Variants in SAMD5 observed in about 807,000 individuals in gnomAD.
SAMD5 encodes sterile alpha motif domain-containing protein 5.
A neutral mutation model predicts 11.3 loss-of-function variants in SAMD5; 13 were observed. The ratio of observed to expected loss-of-function variants is 1.15; its 90% CI spans 0.75 to 1.83. SAMD5 has a LOEUF of 1.83. Ranked by LOEUF, SAMD5 falls within the 40% of genes most tolerant of loss-of-function variation. The probability of loss-of-function intolerance (pLI) is 0.00; values close to 1 mark genes in which losing one functional copy is unlikely to be tolerated. For missense variants in SAMD5, 255 were observed against 239.1 expected (o/e 1.07, Z -0.44); for synonymous variants, 129 against 111.3 (o/e 1.16, Z -1.00).
chr6:147,808,567 A>G, the SAMD5 span, among the ~76,000 whole-genome samples: 4 of 152,184 alleles, frequency 2.6e-5, no homozygotes, highest in South Asian at 8.3e-4. Context: ...ACTAGAAGTA[A>G]GAGGGTATTT....
chr6:147,578,066 A>G (rs1422563282), intron 1 of SAMD5, among the ~76,000 whole-genome samples: 3 of 152,182 alleles, frequency 2.0e-5, no homozygotes, highest in African/African-American at 7.2e-5. Context: ...AGAAGTCGAA[A>G]TGCATTTACA....
the SAMD5 span, among the ~76,000 whole-genome samples, chr6:147,870,482 G>GTGTGTA: frequency 3.0e-5 from 4 of 135,340 alleles, no homozygotes; most frequent in African/African-American, 5.9e-5. Context: ...GTGTGTGTGT[G>GTGTGTA]TATATATATA....
At chr6:147,675,679 ATACAG>A (rs1358774496) in intron 1 of SAMD5, among the ~76,000 whole-genome samples, 1 of 152,186 alleles carries the variant, frequency 6.6e-6, no homozygotes, top group East Asian at 1.9e-4. Context: ...GCTGTATTTG[ATACAG>A]TATTGTGGCC....
chr6:147,722,408 G>A (rs777004058), intron 1 of SAMD5, among the ~76,000 whole-genome samples: 1 of 152,002 alleles, frequency 6.6e-6, no homozygotes, highest in Non-Finnish European at 1.5e-5. Context: ...GCATGTATTT[G>A]CCAATATTTT....
the SAMD5 span, among the ~76,000 whole-genome samples, chr6:147,899,670 T>C: frequency 3.3e-5 from 5 of 152,224 alleles, no homozygotes; most frequent in Non-Finnish European, 7.3e-5. Context: ...GAATGGCATC[T>C]GTAGGCATTT....
At chr6:147,855,101 TTAC>T in the SAMD5 span, among the ~76,000 whole-genome samples, 2 of 152,200 alleles carry the variant, frequency 1.3e-5, no homozygotes, top group Non-Finnish European at 2.9e-5. Flanking sequence ...AAGTATTTAG[TTAC>T]TACTGCATTA....
chr6:147,701,881 A>T (rs895840649), intron 1 of SAMD5, among the ~76,000 whole-genome samples: 4 of 152,172 alleles, frequency 2.6e-5, no homozygotes, highest in African/African-American at 7.2e-5. Context: ...GAGAAAATTC[A>T]TCTAGGACTA....
At chr6:147,889,381 G>A in the SAMD5 span, among the ~76,000 whole-genome samples, 1 of 151,890 alleles carries the variant, frequency 6.6e-6, no homozygotes, top group Non-Finnish European at 1.5e-5. Context: ...CTTTCATCTA[G>A]CTTCCTGAAC....
intron 1 of SAMD5, among the ~76,000 whole-genome samples, chr6:147,551,322 G>A (rs1378678414): frequency 6.6e-6 from 1 of 152,102 alleles, no homozygotes; most frequent in Non-Finnish European, 1.5e-5. Context: ...TATTTCATAG[G>A]TCAAAAAACA....
chr6:147,809,695 A>G, the SAMD5 span, among the ~76,000 whole-genome samples: 4 of 152,216 alleles, frequency 2.6e-5, no homozygotes, highest in African/African-American at 9.7e-5. Flanking sequence ...TTTTGGATTC[A>G]GATTATCAGG....
chr6:147,686,854 A>G (rs978957252), intron 1 of SAMD5, among the ~76,000 whole-genome samples: 3 of 152,142 alleles, frequency 2.0e-5, no homozygotes, highest in African/African-American at 7.2e-5. Context: ...AGAACAAAAC[A>G]ACCTTCTTCA....
the SAMD5 span, among the ~76,000 whole-genome samples, chr6:147,881,963 T>C: frequency 5.9e-5 from 9 of 152,182 alleles, no homozygotes; most frequent in Non-Finnish European, 1.3e-4. Flanking sequence ...GTGCCCGATA[T>C]GAATGCATGA....
chr6:147,675,069 A>G (rs1437482102), intron 1 of SAMD5, among the ~76,000 whole-genome samples: 3 of 152,160 alleles, frequency 2.0e-5, no homozygotes, highest in Non-Finnish European at 4.4e-5. Context: ...CTATTAATCA[A>G]TTGAAATTGG....
At chr6:147,739,241 C>A (rs1396128055), downstream of SAMD5, among the ~76,000 whole-genome samples, 7 of 152,120 alleles carry the variant, frequency 4.6e-5, no homozygotes, top group Admixed American at 2.6e-4. Flanking sequence ...AGCCCTGGAT[C>A]CTAGTTTTAT....
At chr6:147,729,635 A>G (rs1355788897) in intron 1 of SAMD5, 9 of 366,764 alleles carry the variant, frequency 2.5e-5, no homozygotes, top group African/African-American at 1.3e-4. Context: ...AGAAAGGGCT[A>G]TGATTTTAGA....
the SAMD5 span, among the ~76,000 whole-genome samples, chr6:147,745,705 T>A: frequency 1.3e-5 from 2 of 152,098 alleles, no homozygotes; most frequent in African/African-American, 2.4e-5. Flanking sequence ...CACTAGTGAT[T>A]TAGGAGAGTA....
chr6:147,918,222 A>C, the SAMD5 span, among the ~76,000 whole-genome samples: 1 of 152,062 alleles, frequency 6.6e-6, no homozygotes. Flanking sequence ...ATTTGTTTGT[A>C]TCCTCTTTTA....
chr6:147,694,897 A>T (rs1791154483), intron 1 of SAMD5, among the ~76,000 whole-genome samples: 1 of 152,224 alleles, frequency 6.6e-6, no homozygotes, highest in Non-Finnish European at 1.5e-5. Flanking sequence ...TCATATCAAT[A>T]AGCAGTCAAT....
the SAMD5 span, among the ~76,000 whole-genome samples, chr6:147,747,223 A>G: frequency 4.9e-3 from 740 of 152,320 alleles, 16 homozygotes; most frequent in East Asian, 0.075. Context: ...TTCCTTATCT[A>G]TGTTTTTTGG....
Sources: allele counts gnomAD v4.1 joint callset (sites outside exome capture counted in the v4.1 genomes callset), GRCh38; gene constraint gnomAD v4.1.1; transcripts MANE v1.5; gene names NCBI Gene and HGNC (gene_info 2026-07-23, HGNC 2026-07-21).